The following MAP6 variants were observed in gnomAD, a reference collection of about 807,000 sequenced individuals.
MAP6 encodes microtubule-associated protein 6.
A neutral mutation model predicts 42.4 loss-of-function variants in MAP6; 26 were observed. The ratio of observed to expected loss-of-function variants is 0.61; its 90% CI spans 0.45 to 0.85. MAP6 has a LOEUF of 0.85. MAP6 is among the 40% of genes least tolerant of loss of function. MAP6 has a pLI of 0.00. For synonymous variants in MAP6, 418 were observed against 443.8 expected (o/e 0.94, Z 0.73); for missense variants, 966 against 1,099.0 (o/e 0.88, Z 1.71).
chr11:75,615,266 A>G (rs771980395), intron 1 of MAP6, among the ~76,000 whole-genome samples: 22 of 152,178 alleles, frequency 1.4e-4, no homozygotes, highest in Non-Finnish European at 3.1e-4. Context: ...GCCTGCTCTG[A>G]ACACTGGTGA....
chr11:75,661,243 C>T (rs2135697057), intron 1 of MAP6, among the ~76,000 whole-genome samples: 1 of 152,028 alleles, frequency 6.6e-6, no homozygotes, highest in East Asian at 1.9e-4. Context: ...ACAACAGGTC[C>T]AGCAAGTTTT....
rs187744826 is a variant in MAP6 at position 75,621,282 on chromosome 11, C to T, written c.906-12960G>A. Reference sequence around the variant, plus strand: ...GTTGAGGCCAGGAGTTCAAGACCAACCTTGCCAACATAATGAAACCCTATC... The same window carrying T: ...GTTGAGGCCAGGAGTTCAAGACCAATCTTGCCAACATAATGAAACCCTATC... On this transcript the variant is annotated intron_variant, in intron 1 of 3. Coordinates refer to ENST00000304771, the MANE Select transcript of MAP6 (RefSeq NM_033063.2). 3.9e-5 allele frequency among the ~76,000 whole-genome samples: 6 copies of T among 152,022 alleles called. No individual in the cohort carries two copies. The East Asian group carries it at 1.2e-3, about 29-fold the overall frequency.
chr11:75,620,013 G>A (rs568446674), intron 1 of MAP6, among the ~76,000 whole-genome samples: 9 of 152,186 alleles, frequency 5.9e-5, no homozygotes, highest in African/African-American at 1.9e-4. Context: ...CTGCCATTCT[G>A]ACTGCCATGA....
rs142283314 is a variant in MAP6 at position 75,662,571 on chromosome 11, G to C, written c.905+4894C>G. On this transcript the variant is annotated intron_variant, in intron 1 of 3. Coordinates refer to ENST00000304771, the MANE Select transcript of MAP6 (RefSeq NM_033063.2). Reference sequence around the variant, plus strand: ...TGCTTGCTAAAAATTAGATACTTAGGCTCCATTTTAAGCCCATTGAATTAG... The same window carrying C: ...TGCTTGCTAAAAATTAGATACTTAGCCTCCATTTTAAGCCCATTGAATTAG... 2.0e-3 allele frequency among the ~76,000 whole-genome samples: 303 copies of C among 152,218 alleles called. 1 individual carries two copies. Among genetic ancestry groups the C allele is most frequent in the African/African-American group, 7.1e-3 (293 of 41,540 alleles).
chr11:75,661,432 C>T (rs183912327), intron 1 of MAP6, among the ~76,000 whole-genome samples: 14 of 151,854 alleles, frequency 9.2e-5, no homozygotes, highest in Admixed American at 2.6e-4. Flanking sequence ...TGAATATATA[C>T]GCAAGCATTT....
chr11:75,652,167 T>G (rs186340200), intron 1 of MAP6, among the ~76,000 whole-genome samples: 40 of 152,350 alleles, frequency 2.6e-4, no homozygotes, highest in Admixed American at 7.8e-4. Flanking sequence ...TCTTGTTATA[T>G]AAGTACCTAC....
chr11:75,623,745 T>C (rs1943150984), intron 1 of MAP6, among the ~76,000 whole-genome samples: 1 of 152,248 alleles, frequency 6.6e-6, no homozygotes, highest in South Asian at 2.1e-4. Context: ...AGTCTCGCTC[T>C]GTCGCCCAGG....
chr11:75,604,737 A>G (rs1942726763), intron 3 of MAP6: 1 of 985,398 alleles, frequency 1.0e-6, no homozygotes, highest in Non-Finnish European at 1.2e-6. Context: ...TTATATATTA[A>G]TGAGGTCAAA....
chr11:75,608,396 A>T (rs1383142161), intron 1 of MAP6, 74 bp from the exon 2 acceptor site: 1 of 1,186,316 alleles, frequency 8.4e-7, no homozygotes, highest in Non-Finnish European at 1.2e-6. Flanking sequence ...ACAGGGCTGC[A>T]AACACAGCAA....
At chr11:75,607,676 G>C (rs555384562) in intron 2 of MAP6, 1 of 985,408 alleles carries the variant, frequency 1.0e-6, no homozygotes, top group East Asian at 1.1e-4. Context: ...AAAGGGTCCA[G>C]TGATTGGAGC....
chr11:75,667,938 C>T lies in MAP6; in HGVS notation c.432G>A (p.Gln144=). 1 of 1,358,290 alleles carries T rather than the reference C, an allele frequency of 7.4e-7. No homozygotes were observed. The highest frequency in any genetic ancestry group is 9.5e-7 in the Non-Finnish European group (1 of 1,049,324). The allele number at this position is 1,358,290 out of a possible 1,614,324, so 84.1% of individuals were successfully genotyped here. A position where few individuals can be genotyped will look rare whatever the true frequency, so the allele number is the denominator to read the frequency against. ...EPSCRPRSEY[Q]PSDAPFERET... The stretch of plus-strand genomic sequence containing the variant: ...CGCGCTCGAAGGGAGCGTCGGAGGG[C>T]TGGTATTCGCTGCGCGGCCGGCAGC... Residue 144 remains glutamine, a synonymous_variant, in exon 1 of 4, where the codon CAG becomes CAA. Coordinates refer to ENST00000304771, the MANE Select transcript of MAP6 (RefSeq NM_033063.2). The surrounding 1 kb of genome is among the most constrained non-coding windows in gnomAD (Gnocchi z 5.6).
intron 1 of MAP6, among the ~76,000 whole-genome samples, chr11:75,648,431 G>A (rs187206091): frequency 3.3e-5 from 5 of 152,268 alleles, no homozygotes; most frequent in East Asian, 1.9e-4. Flanking sequence ...CTGGAAGGTC[G>A]AAACACAAAT....
chr11:75,600,398 A>G lies in MAP6; in HGVS notation c.1316+5410T>C, dbSNP rs186941800. On this transcript the variant is annotated intron_variant, in intron 3 of 3. Transcript: ENST00000304771. ...ATTCATAGGGTAAATAACAAAATAC[A>G]TAATGGTGTTAATTCTAGTTCTCCC... 2.4e-4 allele frequency among the ~76,000 whole-genome samples: 37 copies of G among 152,376 alleles called. 1 individual carries two copies. In the East Asian group the frequency reaches 6.5e-3, roughly 27 times the overall value.
At chr11:75,608,633 A>T (rs1040628692) in intron 1 of MAP6, among the ~76,000 whole-genome samples, 4 of 152,242 alleles carry the variant, frequency 2.6e-5, no homozygotes, top group African/African-American at 9.6e-5. Context: ...CTTGAAAATG[A>T]GACTGAAAAA....
chr11:75,629,340 G>A (rs940968390), intron 1 of MAP6, among the ~76,000 whole-genome samples: 1 of 151,896 alleles, frequency 6.6e-6, no homozygotes, highest in Non-Finnish European at 1.5e-5. Flanking sequence ...CTCCTAACTC[G>A]GCCTCCCAAA....
intron 1 of MAP6, among the ~76,000 whole-genome samples, chr11:75,635,172 G>A (rs185362694): frequency 1.0e-3 from 153 of 152,300 alleles, no homozygotes; most frequent in African/African-American, 3.4e-3. Flanking sequence ...GCTCTTCTTG[G>A]AGGCAGCCTG....
chr11:75,644,847 T>C (rs997696951), intron 1 of MAP6, among the ~76,000 whole-genome samples: 42 of 152,326 alleles, frequency 2.8e-4, no homozygotes, highest in African/African-American at 9.4e-4. Context: ...ATAGAAATGC[T>C]ACATAAAATA....
At chr11:75,640,992 C>T (rs1943459296) in intron 1 of MAP6, among the ~76,000 whole-genome samples, 2 of 151,920 alleles carry the variant, frequency 1.3e-5, no homozygotes, top group Admixed American at 1.3e-4. Context: ...GGGTATATAC[C>T]CAAAGGATTA....
chr11:75,648,061 C>T (rs565508910), intron 1 of MAP6, among the ~76,000 whole-genome samples: 7 of 152,256 alleles, frequency 4.6e-5, no homozygotes, highest in Admixed American at 4.6e-4. Flanking sequence ...AAAAGAATTA[C>T]CTGTCAGACA....
Sources: allele counts gnomAD v4.1 joint callset (sites outside exome capture counted in the v4.1 genomes callset), GRCh38; gene constraint gnomAD v4.1.1; non-coding constraint Gnocchi (gnomAD v3.1); transcripts MANE v1.5; gene names NCBI Gene and HGNC (gene_info 2026-07-23, HGNC 2026-07-21).